TDRD3: variants seen among roughly 807,000 people sequenced by gnomAD.
TDRD3 encodes tudor domain containing 3.
Under a neutral mutation model 86.7 loss-of-function variants are expected in TDRD3, and 45 were observed. The ratio of observed to expected loss-of-function variants is 0.52; its 90% CI spans 0.41 to 0.67. The LOEUF is 0.67. Ranked by LOEUF, TDRD3 falls within the 30% of genes least tolerant of loss-of-function variation. TDRD3 has a pLI of 0.00. For missense variants in TDRD3, 814 were observed against 889.0 expected (o/e 0.92, Z 1.07); for synonymous variants, 298 against 301.7 (o/e 0.99, Z 0.13).
At chr13:60,441,095 A>G (rs898633857) in intron 2 of TDRD3, among the ~76,000 whole-genome samples, 1 of 152,144 alleles carries the variant, frequency 6.6e-6, no homozygotes, top group Non-Finnish European at 1.5e-5. Context: ...TTTTTAATAA[A>G]TAAAAGACTA....
At chr13:60,548,321 G>C (rs527916458) in intron 12 of TDRD3, among the ~76,000 whole-genome samples, 13 of 152,260 alleles carry the variant, frequency 8.5e-5, no homozygotes, top group African/African-American at 3.1e-4. Context: ...GGAAGAAAGA[G>C]AACTTGCCTT....
intron 5 of TDRD3, among the ~76,000 whole-genome samples, chr13:60,478,291 ATTTTTTTTTTTTT>A (rs34449105): frequency 4.0e-5 from 3 of 74,300 alleles, no homozygotes; most frequent in Non-Finnish European, 7.3e-5. Flanking sequence ...CAGTCTACCA[ATTTTTTTTTTTTT>A]TTTTTTTTTT....
intron 10 of TDRD3, 24 bp downstream of exon 10, chr13:60,510,779 CT>C (rs749003263): frequency 1.1e-4 from 150 of 1,404,252 alleles, no homozygotes; most frequent in South Asian, 3.9e-4. Context: ...AAGTTGATTC[CT>C]TTTTTTTTCT....
At chr13:60,449,281 A>T (rs1374429002) in intron 3 of TDRD3, among the ~76,000 whole-genome samples, 1 of 152,172 alleles carries the variant, frequency 6.6e-6, no homozygotes, top group Non-Finnish European at 1.5e-5. Flanking sequence ...AGTGAGCTAT[A>T]TATTAAAATT....
intron 8 of TDRD3, among the ~76,000 whole-genome samples, chr13:60,498,503 A>G (rs1956765117): frequency 6.6e-6 from 1 of 152,086 alleles, no homozygotes; most frequent in Non-Finnish European, 1.5e-5. Flanking sequence ...CTAGATGTGA[A>G]ATTGATAGGA....
chr13:60,432,471 T>A (rs896018336), intron 1 of TDRD3, among the ~76,000 whole-genome samples: 35 of 152,130 alleles, frequency 2.3e-4, no homozygotes, highest in African/African-American at 8.2e-4. Context: ...CCTTCTGCCC[T>A]AGAGGAGGGA....
intron 12 of TDRD3, among the ~76,000 whole-genome samples, chr13:60,549,260 C>G (rs927041706): frequency 6.6e-6 from 1 of 151,992 alleles, no homozygotes; most frequent in African/African-American, 2.4e-5. Flanking sequence ...TGTGACAGAT[C>G]ATTATTAGTT....
chr13:60,439,411 A>T (rs1173200056), intron 1 of TDRD3, among the ~76,000 whole-genome samples: 1 of 152,178 alleles, frequency 6.6e-6, no homozygotes, highest in African/African-American at 2.4e-5. Flanking sequence ...CAGCTTATAC[A>T]TCCCTTAAGT....
chr13:60,557,916 G>A (rs1002756585), intron 12 of TDRD3, among the ~76,000 whole-genome samples: 1 of 139,038 alleles, frequency 7.2e-6, no homozygotes, highest in Admixed American at 8.0e-5. Context: ...TCCACCTCCC[G>A]GGTTCAAGTG....
chr13:60,397,400 G>A lies in TDRD3; in HGVS notation c.36G>A (p.Ala12=). 1 of 1,499,772 alleles carries A rather than the reference G, an allele frequency of 6.7e-7. No individual in the cohort carries two copies. Among genetic ancestry groups the A allele is most frequent in the Non-Finnish European group, 8.9e-7 (1 of 1,126,190 alleles). 92.9% of individuals were successfully genotyped at this position (1,499,772 alleles called of 1,614,324 possible). ...AQVAGAALSQ[A]GWYLSDEGIE... The stretch of plus-strand genomic sequence containing the variant: ...TGGCCGGCGCGGCGTTGTCCCAGGC[G>A]GGTTGGTAAGTGGCGAGTCCCGCCG... Residue 12 remains alanine, a synonymous_variant, in exon 1 of 14, where the codon GCG becomes GCA. Coordinates refer to ENST00000377881, the MANE Select transcript of TDRD3 (RefSeq NM_001146070.2).
chr13:60,515,738 ATTGT>A (rs750633017), intron 10 of TDRD3, among the ~76,000 whole-genome samples: 12 of 152,220 alleles, frequency 7.9e-5, no homozygotes, highest in Non-Finnish European at 1.8e-4. Context: ...AAGCTACTGA[ATTGT>A]TTTTCAGCTC....
intron 1 of TDRD3, among the ~76,000 whole-genome samples, chr13:60,415,264 CTT>C (rs1297804157): frequency 6.6e-6 from 1 of 152,020 alleles, no homozygotes; most frequent in Non-Finnish European, 1.5e-5. Flanking sequence ...TGTTCTGAAA[CTT>C]TGAGAATTAC....
chr13:60,564,880 A>G (rs1958413842), intron 12 of TDRD3, among the ~76,000 whole-genome samples: 1 of 152,098 alleles, frequency 6.6e-6, no homozygotes, highest in South Asian at 2.1e-4. Flanking sequence ...GGAAAGAAGT[A>G]CCCATTCTGT....
chr13:60,531,846 T>C (rs1463633451), intron 11 of TDRD3, among the ~76,000 whole-genome samples: 1 of 152,026 alleles, frequency 6.6e-6, no homozygotes, highest in Non-Finnish European at 1.5e-5. Context: ...AAACAAAGAA[T>C]GAATGAATGA....
At chr13:60,449,509 A>G (rs954361329) in intron 3 of TDRD3, among the ~76,000 whole-genome samples, 1 of 152,112 alleles carries the variant, frequency 6.6e-6, no homozygotes, top group Non-Finnish European at 1.5e-5. Flanking sequence ...TACACTGGGA[A>G]AAGTGTTGCT....
At chr13:60,547,481 T>C in intron 12 of TDRD3, 1 of 906,132 alleles carries the variant, frequency 1.1e-6, no homozygotes, top group Non-Finnish European at 1.3e-6. Context: ...TTACTACCTA[T>C]GTGACTTTGG....
At chr13:60,506,739 A>G (rs1956947017) in intron 8 of TDRD3, among the ~76,000 whole-genome samples, 1 of 152,222 alleles carries the variant, frequency 6.6e-6, no homozygotes, top group South Asian at 2.1e-4. Flanking sequence ...CCTGGGTGAC[A>G]GAATGAAACA....
chr13:60,550,565 T>A (rs1446702837), intron 12 of TDRD3, among the ~76,000 whole-genome samples: 1 of 152,102 alleles, frequency 6.6e-6, no homozygotes, highest in Non-Finnish European at 1.5e-5. Flanking sequence ...ATAGATTGCC[T>A]CTGGGTTCCT....
chr13:60,471,973 C>T (rs1268268962), intron 5 of TDRD3, among the ~76,000 whole-genome samples: 1 of 147,564 alleles, frequency 6.8e-6, no homozygotes, highest in African/African-American at 2.6e-5. Flanking sequence ...ACCTTCAGTC[C>T]TTCACTATTG....
Sources: gnomAD v4.1 joint callset for allele counts (sites outside exome capture counted in the v4.1 genomes callset) on GRCh38, gnomAD v4.1.1 for gene constraint, MANE v1.5 for transcripts, NCBI Gene and HGNC (gene_info 2026-07-23, HGNC 2026-07-21) for gene names.